The following RAD51B variants were observed in gnomAD, a reference collection of about 807,000 sequenced individuals.
The protein encoded by RAD51B is DNA repair protein RAD51 homolog 2.
Under a neutral mutation model 42.2 loss-of-function variants are expected in RAD51B, and 38 were observed. That is an observed-to-expected ratio of 0.90 (90% CI 0.70 to 1.18). RAD51B has a LOEUF of 1.18. RAD51B is among the 50% of genes most tolerant of loss of function. The pLI is 0.00. For synonymous variants in RAD51B, 154 were observed against 145.2 expected (o/e 1.06, Z -0.43); for missense variants, 373 against 400.7 (o/e 0.93, Z 0.59).
chr14:68,433,294 G>C (rs1249256996), intron 9 of RAD51B, among the ~76,000 whole-genome samples: 1 of 152,046 alleles, frequency 6.6e-6, no homozygotes, highest in Non-Finnish European at 1.5e-5. Context: ...ATGTTGGCCT[G>C]CCTTGCTAGG....
At chr14:68,678,696 G>A (rs888649301) in intron 11 of RAD51B, among the ~76,000 whole-genome samples, 1 of 152,164 alleles carries the variant, frequency 6.6e-6, no homozygotes, top group Non-Finnish European at 1.5e-5. Context: ...GGCCGTGAGG[G>A]TTTCAGGGGC....
chr14:68,605,842 C>G (rs1464715264), intron 10 of RAD51B, among the ~76,000 whole-genome samples: 1 of 152,200 alleles, frequency 6.6e-6, no homozygotes, highest in African/African-American at 2.4e-5. Context: ...AACCTCTGCA[C>G]CCTTTCTTTA....
intron 7 of RAD51B, among the ~76,000 whole-genome samples, chr14:68,216,459 A>G (rs758019790): frequency 6.6e-6 from 1 of 152,186 alleles, no homozygotes; most frequent in South Asian, 2.1e-4. Context: ...TCTTAAGGAC[A>G]TGTGATAACT....
chr14:68,512,097 C>T (rs113771326), intron 10 of RAD51B, among the ~76,000 whole-genome samples: 2,555 of 152,282 alleles, frequency 0.017, 35 homozygotes, highest in Non-Finnish European at 0.025. Context: ...CTTTGGGAAA[C>T]GCCTGCCCTC....
chr14:67,837,636 G>C (rs1234764495), intron 4 of RAD51B, among the ~76,000 whole-genome samples: 1 of 143,394 alleles, frequency 7.0e-6, no homozygotes, highest in Non-Finnish European at 1.5e-5. Context: ...TCCTCAAACA[G>C]AGTTTTTTTT....
In RAD51B at chr14:68,565,640, A is replaced by G. The variant is rs1050953201; in HGVS notation, c.1037-28845A>G. On this transcript the variant is annotated intron_variant, in intron 10 of 10. Coordinates refer to the RAD51B transcript ENST00000487270. The surrounding 1 kb of genome is among the most constrained non-coding windows in gnomAD (Gnocchi z 4.1). The stretch of plus-strand genomic sequence containing the variant: ...GGAGAGCAGGCAGAGAAAGAGAGCT[A>G]ATCTCCTTTACCCCATCCTTGCTGC... 6.6e-6 allele frequency among the ~76,000 whole-genome samples: 1 copy of G among 152,190 alleles called. No individual in the cohort carries two copies. Among genetic ancestry groups the G allele is most frequent in the Non-Finnish European group, 1.5e-5 (1 of 68,036 alleles).
At chr14:67,973,247 G>C (rs945551453) in intron 7 of RAD51B, among the ~76,000 whole-genome samples, 8 of 152,062 alleles carry the variant, frequency 5.3e-5, no homozygotes, top group African/African-American at 1.7e-4. Context: ...CTTTGACCTT[G>C]TAGGTAAATA....
intron 7 of RAD51B, among the ~76,000 whole-genome samples, chr14:68,077,338 A>C (rs533643831): frequency 1.3e-5 from 2 of 152,168 alleles, no homozygotes; most frequent in African/African-American, 4.8e-5. Flanking sequence ...AGAATACAAG[A>C]TATTGTCCCT....
intron 7 of RAD51B, among the ~76,000 whole-genome samples, chr14:68,206,095 T>C (rs964698441): frequency 6.6e-6 from 1 of 152,234 alleles, no homozygotes; most frequent in African/African-American, 2.4e-5. Flanking sequence ...CTTTATCTTT[T>C]ATGACTTTGT....
At chr14:67,830,657 C>T (rs2041004711) in intron 3 of RAD51B, among the ~76,000 whole-genome samples, 2 of 152,104 alleles carry the variant, frequency 1.3e-5, no homozygotes, top group South Asian at 4.1e-4. Flanking sequence ...ACCTCAGCCT[C>T]CCAGTGTGCT....
chr14:67,835,322 A>C (rs1025119812), intron 4 of RAD51B, 126 bp downstream of exon 4: 1 of 731,620 alleles, frequency 1.4e-6, no homozygotes, highest in Non-Finnish European at 2.3e-6. Flanking sequence ...AAGTACTTCA[A>C]GGATATGGTT....
At chr14:68,495,834 G>T (rs1884470482) in intron 10 of RAD51B, among the ~76,000 whole-genome samples, 1 of 152,204 alleles carries the variant, frequency 6.6e-6, no homozygotes, top group African/African-American at 2.4e-5. Context: ...ATTAAGGGCT[G>T]CCCCTGTGTT....
chr14:68,391,364 T>C lies in RAD51B; in HGVS notation c.854-20060T>C, dbSNP rs569528741. Among the ~76,000 whole-genome samples, 27 of 152,250 alleles carry C rather than the reference T, an allele frequency of 1.8e-4. 1 individual carries two copies. In the South Asian group the frequency reaches 5.6e-3, roughly 32 times the overall value. On this transcript the variant is annotated intron_variant, in intron 8 of 10. Coordinates refer to ENST00000471583, the MANE Select transcript of RAD51B (RefSeq NM_133510.4). ...CAAGATGTTGGAAGGTCAACTCACTTTATGGTCTAGGTCCAGGAAACAAGA... is the reference window on the plus strand; with the variant it reads ...CAAGATGTTGGAAGGTCAACTCACTCTATGGTCTAGGTCCAGGAAACAAGA...
At chr14:68,563,963 C>G (rs1889289809) in intron 10 of RAD51B, 1 of 951,728 alleles carries the variant, frequency 1.1e-6, no homozygotes, top group Non-Finnish European at 1.3e-6. Flanking sequence ...GGGTGCTCCC[C>G]CACACATACA....
At chr14:68,437,344 C>G (rs1259925360) in intron 9 of RAD51B, among the ~76,000 whole-genome samples, 1 of 152,238 alleles carries the variant, frequency 6.6e-6, no homozygotes, top group East Asian at 1.9e-4. Context: ...AACCTTGCAC[C>G]TCAGAAATGA....
rs150597807 is a variant in RAD51B, at chr14:68,536,468, A to G, written c.1037-58017A>G. Among the ~76,000 whole-genome samples the G allele has an allele frequency of 2.7e-4, 41 of 152,308 alleles. No individual in the cohort carries two copies. The East Asian group carries it at 6.9e-3, about 26-fold the overall frequency. ...TCTCCAGCTGTACTTTCCGAGCCCT[A>G]CATTGGTCTAAATGGAAGGATACCT... On this transcript the variant is annotated intron_variant, in intron 10 of 10. Transcript: ENST00000487270.
chr14:68,198,409 A>G (rs930523798), intron 7 of RAD51B, among the ~76,000 whole-genome samples: 1 of 152,076 alleles, frequency 6.6e-6, no homozygotes, highest in Non-Finnish European at 1.5e-5. Context: ...TAAAAAATCA[A>G]TTTTTTTGGT....
intron 9 of RAD51B, among the ~76,000 whole-genome samples, chr14:68,460,833 T>G (rs2085826779): frequency 6.6e-6 from 1 of 152,208 alleles, no homozygotes; most frequent in Admixed American, 6.5e-5. Context: ...CTGGGAAGCC[T>G]GCTGTTTTCT....
At chr14:67,901,715 A>G (rs1364118674) in intron 7 of RAD51B, among the ~76,000 whole-genome samples, 1 of 152,222 alleles carries the variant, frequency 6.6e-6, no homozygotes, top group Non-Finnish European at 1.5e-5. Context: ...ATATATACAC[A>G]ATGGAATACT....
Sources: allele counts gnomAD v4.1 joint callset (sites outside exome capture counted in the v4.1 genomes callset), GRCh38; gene constraint gnomAD v4.1.1; non-coding constraint Gnocchi (gnomAD v3.1); transcripts MANE v1.5; gene names NCBI Gene and HGNC (gene_info 2026-07-23, HGNC 2026-07-21).